Variants in PTPN13 observed in about 807,000 individuals in gnomAD.
PTPN13 encodes tyrosine-protein phosphatase non-receptor type 13.
Under a neutral mutation model 284.0 loss-of-function variants are expected in PTPN13, and 191 were observed. That is an observed-to-expected ratio of 0.67 (90% CI 0.60 to 0.76). PTPN13 has a LOEUF of 0.76. PTPN13 is among the 30% of genes least tolerant of loss of function. PTPN13 has a pLI of 0.00. For missense variants in PTPN13, 2,797 were observed against 2,939.9 expected, an observed-to-expected ratio of 0.95 and a Z score of 1.12; for synonymous variants, 986 against 1,022.3, an observed-to-expected ratio of 0.96 and a Z score of 0.68.
chr4:86,765,420 A>C lies in PTPN13; in HGVS notation c.4175A>C (p.His1392Pro). 6.2e-7 allele frequency: 1 copy of C among 1,602,614 alleles called. No homozygotes were observed. Among genetic ancestry groups the C allele is most frequent in the Non-Finnish European group, 8.5e-7 (1 of 1,174,012 alleles). ...GGAGGTGTGAATACGAGTGTCAGAC[A>C]TGGTGGCATTTATGTGAAAGCTGTT... The part of the protein sequence containing the change: ...VTGGVNTSVR[H>P]GGIYVKAVIP... The change falls in exon 26 of 48, where the codon CAT becomes CCT. Residue 1392 changes from histidine (H) to proline (P), a missense_variant. Transcript: ENST00000411767.
chr4:86,780,917 A>G (rs1009358693), intron 36 of PTPN13, among the ~76,000 whole-genome samples: 5 of 152,206 alleles, frequency 3.3e-5, no homozygotes, highest in Admixed American at 2.0e-4. Flanking sequence ...AGACAATGCA[A>G]ATTATAGTGA....
At chr4:86,678,587 C>G (rs1728546167) in intron 3 of PTPN13, among the ~76,000 whole-genome samples, 1 of 152,194 alleles carries the variant, frequency 6.6e-6, no homozygotes. Context: ...CCACAGGCAT[C>G]TGAGACTCAA....
intron 2 of PTPN13, among the ~76,000 whole-genome samples, chr4:86,641,414 A>G (rs1416305155): frequency 6.6e-6 from 1 of 152,106 alleles, no homozygotes; most frequent in Non-Finnish European, 1.5e-5. Flanking sequence ...TGACATTCCT[A>G]TAAGAGGGGG....
chr4:86,722,515 A>G (rs748153841), intron 10 of PTPN13, 81 bp downstream of exon 10: 17 of 1,153,228 alleles, frequency 1.5e-5, no homozygotes, highest in East Asian at 9.4e-5. Flanking sequence ...AAAAATTGCT[A>G]CAGGTATCCA....
At position 86,799,186 on chromosome 4, in the gene PTPN13, C is replaced by A. The variant is rs1743697206; in HGVS notation, c.6487C>A (p.His2163Asn). ...NDELPIERTN[H>N]EDSDKDHSFL... Reference sequence around the variant, plus strand: ...TGAGTTGCCAATAGAGAGAACAAACCATGAAGATTCTGATAAAGGCAAGAA... The same window carrying A: ...TGAGTTGCCAATAGAGAGAACAAACAATGAAGATTCTGATAAAGGCAAGAA... Residue 2163 changes from histidine to asparagine, a missense_variant, in exon 42 of 48, where the codon CAT (histidine) becomes AAT (asparagine). His to Asn is a moderately conservative substitution (Grantham distance 68, BLOSUM62 1). Transcript: ENST00000411767. The A allele has an allele frequency of 6.4e-7, 1 of 1,559,314 alleles. No individual in the cohort carries two copies. The highest frequency in any genetic ancestry group is 2.3e-5 in the East Asian group (1 of 43,444).
chr4:86,777,060 G>A (rs556883898), intron 35 of PTPN13, among the ~76,000 whole-genome samples: 2 of 152,220 alleles, frequency 1.3e-5, no homozygotes, highest in South Asian at 4.2e-4. Context: ...CATGCTAATA[G>A]CAACTTTTCT....
chr4:86,621,678 G>A lies in PTPN13; in HGVS notation c.-5-13574G>A, dbSNP rs115954580. On this transcript the variant is annotated intron_variant, in intron 1 of 47. Coordinates refer to ENST00000411767, the MANE Select transcript of PTPN13 (RefSeq NM_080683.3). ...CCAGACCTTTGCTGGGGATGTTTCA[G>A]AATATAGAGTAAAGCACTGCATTAC... Among the ~76,000 whole-genome samples, 215 of 152,222 alleles carry A rather than the reference G, an allele frequency of 1.4e-3. 4 individuals carry two copies. Among genetic ancestry groups the A allele is most frequent in the African/African-American group, 5.0e-3 (207 of 41,544 alleles).
At chr4:86,804,192 G>A (rs941900046) in intron 43 of PTPN13, among the ~76,000 whole-genome samples, 6 of 151,194 alleles carry the variant, frequency 4.0e-5, no homozygotes, top group Non-Finnish European at 7.4e-5. Flanking sequence ...TATTGTAGAC[G>A]TGTTTCATCA....
chr4:86,657,272 G>A (rs1182745782), intron 2 of PTPN13, among the ~76,000 whole-genome samples: 8 of 152,154 alleles, frequency 5.3e-5, no homozygotes, highest in Non-Finnish European at 8.8e-5. Flanking sequence ...AGATGATCCC[G>A]GTACCTCAGT....
chr4:86,802,146 AGT>A (rs55759778), intron 42 of PTPN13, among the ~76,000 whole-genome samples: 6,894 of 134,692 alleles, frequency 0.051, 299 homozygotes, highest in African/African-American at 0.12. Flanking sequence ...TCAAGATTTT[AGT>A]GTGTGTGTGT....
At chr4:86,734,933 A>G in intron 14 of PTPN13, 58 bp downstream of exon 14, 1 of 1,551,588 alleles carries the variant, frequency 6.4e-7, no homozygotes, top group Non-Finnish European at 8.8e-7. Flanking sequence ...CCTTTAACAT[A>G]GTTAATGACT....
chr4:86,685,368 G>A (rs1729338366), intron 3 of PTPN13, among the ~76,000 whole-genome samples: 1 of 152,108 alleles, frequency 6.6e-6, no homozygotes, highest in African/African-American at 2.4e-5. Flanking sequence ...CAGCACACCG[G>A]GAAGCCAAGG....
rs552392694 is a variant in PTPN13, at chr4:86,765,846, G to T, written c.4243+358G>T. Among the ~76,000 whole-genome samples the T allele has an allele frequency of 2.1e-3, 301 of 142,448 alleles. 6 individuals are homozygous for T. In the East Asian group the frequency reaches 0.036, roughly 17 times the overall value. The allele number at this position is 142,448 out of a possible 152,430, so 93.5% of individuals were successfully genotyped here. A position where few individuals can be genotyped will look rare whatever the true frequency, so the allele number is the denominator to read the frequency against. ...TTTTTTGTTGTTGTTTTTTTTTTTCGAGACAGAGTCTCACTCTGTCACCCA... is the reference window on the plus strand; with the variant it reads ...TTTTTTGTTGTTGTTTTTTTTTTTCTAGACAGAGTCTCACTCTGTCACCCA... On this transcript the variant is annotated intron_variant, in intron 26 of 47. Transcript: ENST00000411767.
chr4:86,596,379 T>A (rs1448399187), intron 1 of PTPN13, among the ~76,000 whole-genome samples: 2 of 152,202 alleles, frequency 1.3e-5, no homozygotes, highest in East Asian at 3.8e-4. Context: ...TCCAAAAATA[T>A]AAATGGCTTT....
At chr4:86,813,480 C>G (rs576956995) in intron 47 of PTPN13, among the ~76,000 whole-genome samples, 24 of 152,290 alleles carry the variant, frequency 1.6e-4, no homozygotes, top group Admixed American at 6.5e-4. Flanking sequence ...GAGTCTCACT[C>G]TGTCACCCAG....
Position 86,719,002 on chromosome 4 carries a change from G to A in PTPN13, c.1385+1885G>A, listed in dbSNP as rs190528334. ...TTTTTATTTTTTAACATTTATTTTC[G>A]GTTTGGGGGTACATGTGAAGGTTTG... On this transcript the variant is annotated intron_variant, in intron 9 of 47. Coordinates refer to ENST00000411767, the MANE Select transcript of PTPN13 (RefSeq NM_080683.3). 4.0e-4 allele frequency among the ~76,000 whole-genome samples: 61 copies of A among 152,002 alleles called. No homozygotes were observed. In the East Asian group the frequency reaches 9.1e-3, roughly 23 times the overall value.
chr4:86,647,678 A>G (rs1344093954), intron 2 of PTPN13, among the ~76,000 whole-genome samples: 2 of 152,138 alleles, frequency 1.3e-5, no homozygotes, highest in Non-Finnish European at 2.9e-5. Context: ...TATCAAAGAT[A>G]GGGTTTTCAA....
intron 42 of PTPN13, among the ~76,000 whole-genome samples, chr4:86,802,146 AGTGTGTGTGTGT>A (rs55759778): frequency 3.7e-5 from 5 of 135,204 alleles, no homozygotes; most frequent in African/African-American, 1.0e-4. Flanking sequence ...TCAAGATTTT[AGTGTGTGTGTGT>A]GTGTGTGTGT....
At chr4:86,646,495 G>A (rs1050919211) in intron 2 of PTPN13, among the ~76,000 whole-genome samples, 1 of 152,060 alleles carries the variant, frequency 6.6e-6, no homozygotes, top group Non-Finnish European at 1.5e-5. Flanking sequence ...ACGGGATTTT[G>A]CCATCTTGGC....
Sources: allele counts gnomAD v4.1 joint callset (sites outside exome capture counted in the v4.1 genomes callset), GRCh38; gene constraint gnomAD v4.1.1; transcripts MANE v1.5; gene names NCBI Gene and HGNC (gene_info 2026-07-23, HGNC 2026-07-21).